The following XDH variants were observed in gnomAD, a reference collection of about 807,000 sequenced individuals.
XDH encodes the protein xanthine dehydrogenase, also known as xanthine dehydrogenase/oxidase.
A neutral mutation model predicts 156.1 loss-of-function variants in XDH; 138 were observed. The ratio of observed to expected loss-of-function variants is 0.88; its 90% confidence interval spans 0.77 to 1.02. XDH has a LOEUF of 1.02. XDH is among the 50% of genes least tolerant of loss of function. The pLI, the probability that XDH is intolerant of heterozygous loss-of-function variation, is 0.00. For synonymous variants in XDH, 669 were observed against 625.7 expected, an observed-to-expected ratio of 1.07 and a Z score of -1.03; for missense variants, 1,849 against 1,684.9, an observed-to-expected ratio of 1.10 and a Z score of -1.71.
intron 10 of XDH, 45 bp downstream of exon 10, chr2:31,383,710 C>T: frequency 6.3e-7 from 1 of 1,583,798 alleles, no homozygotes; most frequent in South Asian, 1.1e-5. Flanking sequence ...AACCTATCCC[C>T]AGCCTCACAG....
At chr2:31,378,055 G>GAAAGAAAGAAAGAAAGAAAGA (rs1686298042) in intron 13 of XDH, among the ~76,000 whole-genome samples, 3 of 65,452 alleles carry the variant, frequency 4.6e-5, no homozygotes, top group African/African-American at 2.0e-4. Context: ...AGAAAGAAAG[G>GAAAGAAAGAAAGAAAGAAAGA]AAGAAAGAAA....
At chr2:31,407,052 T>C (rs1687209527) in intron 1 of XDH, among the ~76,000 whole-genome samples, 3 of 152,216 alleles carry the variant, frequency 2.0e-5, no homozygotes, top group Non-Finnish European at 1.5e-5. Flanking sequence ...AGGGTGTATA[T>C]TATTGGGATA....
chr2:31,383,901 A>G, intron 9 of XDH, 54 bp from the exon 10 acceptor site: 2 of 1,513,774 alleles, frequency 1.3e-6, no homozygotes, highest in South Asian at 1.2e-5. Flanking sequence ...TCACCAGGGC[A>G]GGCCTTAGCA....
intron 1 of XDH, among the ~76,000 whole-genome samples, chr2:31,410,497 C>T (rs575715264): frequency 6.6e-6 from 1 of 152,102 alleles, no homozygotes; most frequent in Non-Finnish European, 1.5e-5. Context: ...CTCACATAGC[C>T]TCTATTAATT....
rs774245967 is a variant in XDH at position 31,383,092 on chromosome 2, A to G, written c.947T>C (p.Val316Ala). The G allele has an allele frequency of 6.2e-7, 1 of 1,614,190 alleles. No individual in the cohort carries two copies. The highest frequency in any genetic ancestry group is 2.2e-5 in the East Asian group (1 of 44,878). Residue 316 changes from valine to alanine, a missense_variant, in exon 11 of 36, where the codon GTT becomes GCT. By Grantham distance (64) the Val-to-Ala change is moderately conservative (BLOSUM62 0). Transcript: ENST00000379416. The stretch of plus-strand genomic sequence containing the variant: ...TGTCTTTTGGGCAGGAAGCTTAGCA[A>G]CAGCATCCACCAGGGTTTTTTCCAC... ...SIVEKTLVDA[V>A]AKLPAQKTEV...
At chr2:31,406,571 T>C (rs1447985510) in intron 1 of XDH, among the ~76,000 whole-genome samples, 2 of 152,174 alleles carry the variant, frequency 1.3e-5, no homozygotes, top group East Asian at 3.8e-4. Context: ...TATACTCAAA[T>C]CCTTAAATTC....
intron 28 of XDH, 40 bp from the exon 29 acceptor site, chr2:31,347,690 A>T: frequency 1.2e-6 from 2 of 1,601,626 alleles, no homozygotes; most frequent in Non-Finnish European, 1.7e-6. Flanking sequence ...GGAAGGGGTT[A>T]TCATGGGGCT....
intron 1 of XDH, among the ~76,000 whole-genome samples, chr2:31,414,217 C>T (rs1348936859): frequency 1.2e-4 from 19 of 152,070 alleles, no homozygotes. Context: ...ATTCCTGTTC[C>T]TTCTCTCTGT....
chr2:31,396,524 G>C (rs1002680886), intron 6 of XDH, among the ~76,000 whole-genome samples: 3 of 152,128 alleles, frequency 2.0e-5, no homozygotes, highest in African/African-American at 7.2e-5. Flanking sequence ...TTTTCAAGAA[G>C]TACTTAATTT....
chr2:31,371,158 C>G (rs1350836603), intron 17 of XDH, among the ~76,000 whole-genome samples: 1 of 152,214 alleles, frequency 6.6e-6, no homozygotes, highest in Non-Finnish European at 1.5e-5. Context: ...ACTATATGAT[C>G]AAGGATAACA....
Position 31,383,153 on chromosome 2 carries a change from C to T in XDH, c.887-1G>A, listed in dbSNP as rs1383065231. 1.2e-6 allele frequency: 2 copies of T among 1,614,046 alleles called. No individual in the cohort carries two copies. Among genetic ancestry groups the T allele is most frequent in the Non-Finnish European group, 1.7e-6 (2 of 1,180,024 alleles). ...GGGCAAGCAGCTCCAAAGGAGATAC[C>T]TGGGAACGCACGTTCGGAATCACAG... On this transcript the variant is annotated splice_acceptor_variant, in intron 10 of 35. Coordinates refer to ENST00000379416, the MANE Select transcript of XDH (RefSeq NM_000379.4). LOFTEE classifies it high-confidence loss of function.
chr2:31,397,619 G>A, intron 6 of XDH, 49 bp downstream of exon 6: 2 of 1,610,330 alleles, frequency 1.2e-6, no homozygotes, highest in East Asian at 4.5e-5. Flanking sequence ...ATTTCTGAGT[G>A]TTGCCATTTT....
chr2:31,377,637 A>T (rs1179421582), intron 13 of XDH, among the ~76,000 whole-genome samples: 1 of 151,968 alleles, frequency 6.6e-6, no homozygotes, highest in Admixed American at 6.6e-5. Context: ...CTCTCTGGGG[A>T]CTGAGGCTGT....
At chr2:31,369,006 C>CA (rs1321838524) in intron 18 of XDH, among the ~76,000 whole-genome samples, 1 of 152,186 alleles carries the variant, frequency 6.6e-6, no homozygotes, top group African/African-American at 2.4e-5. Flanking sequence ...ACTCCAACAC[C>CA]ATTGGTCTTC....
rs886055947 is a variant in XDH, at chr2:31,370,434, C to A, written c.1901G>T (p.Cys634Phe). The change falls in exon 18 of 36, where the codon TGT becomes TTT. Residue 634 changes from cysteine (C) to phenylalanine (F), a missense_variant. Transcript: ENST00000379416. ...AGGAACATCATCAGCGGAAATGAAA[C>A]AAACAAACCCTGGAACCTTCTTAGC... is the stretch of plus-strand genomic sequence containing the variant. ...SEAKKVPGFV[C>F]FISADDVPGS... 3 of 1,614,152 alleles carry A rather than the reference C, an allele frequency of 1.9e-6. No individual in the cohort carries two copies. The highest frequency in any genetic ancestry group is 1.7e-6 in the Non-Finnish European group (2 of 1,180,018).
chr2:31,381,221 C>T (rs183287375), intron 12 of XDH, among the ~76,000 whole-genome samples: 1 of 152,298 alleles, frequency 6.6e-6, no homozygotes, highest in East Asian at 1.9e-4. Flanking sequence ...GTCTTGAACT[C>T]CTGACCTCAA....
At chr2:31,374,999 CT>C (rs1241284443) in intron 15 of XDH, among the ~76,000 whole-genome samples, 18 of 103,624 alleles carry the variant, frequency 1.7e-4, no homozygotes, top group African/African-American at 8.4e-4. Context: ...TTTTTCCTTT[CT>C]TTCTTTCTTT....
In XDH at chr2:31,335,991, T is replaced by G. The variant is rs376765656; in HGVS notation, c.3969A>C (p.Pro1323=). 111 of 1,614,106 alleles carry G rather than the reference T, an allele frequency of 6.9e-5. No individual in the cohort carries two copies. Among genetic ancestry groups the G allele is most frequent in the Non-Finnish European group, 8.7e-5 (103 of 1,180,048 alleles). The change falls in exon 36 of 36, where the codon CCA becomes CCC. Residue 1323 remains proline, a synonymous_variant. Transcript: ENST00000379416. ...TCACAGACCAGGGTTTGCAGTTTTC[T>G]GGGACACCAGTGACACACTAGGAAG... ...KFTTLCVTGV[P]ENCKPWSVRV is the part of the protein sequence containing the mutation.
chr2:31,399,782 G>T (rs1262008377), intron 4 of XDH, among the ~76,000 whole-genome samples: 1 of 152,176 alleles, frequency 6.6e-6, no homozygotes, highest in Admixed American at 6.5e-5. Context: ...CACCATGTAA[G>T]ATGTGCTTTT....
Sources: gnomAD v4.1 joint callset for allele counts (sites outside exome capture counted in the v4.1 genomes callset) on GRCh38, gnomAD v4.1.1 for gene constraint, MANE v1.5 for transcripts, NCBI Gene and HGNC (gene_info 2026-07-23, HGNC 2026-07-21) for gene names.